The following PRKG1 variants were observed in gnomAD, a reference collection of about 807,000 sequenced individuals.
The protein encoded by PRKG1 is cGMP-dependent protein kinase 1.
In PRKG1, 35 loss-of-function variants were observed where a neutral mutation model predicts 88.1. The ratio of observed to expected loss-of-function variants is 0.40; its 90% confidence interval spans 0.30 to 0.53. PRKG1 has a LOEUF of 0.53. PRKG1 is among the 20% of genes least tolerant of loss of function. The pLI is 0.59. For missense variants in PRKG1, 540 were observed against 839.8 expected (o/e 0.64, Z 4.41); for synonymous variants, 303 against 292.5 (o/e 1.04, Z -0.37).
At chr10:51,574,152 G>A (rs576131810) in intron 3 of PRKG1, among the ~76,000 whole-genome samples, 1 of 152,002 alleles carries the variant, frequency 6.6e-6, no homozygotes, top group South Asian at 2.1e-4. Context: ...AATGACAAAT[G>A]CGTATTAAAT....
intron 8 of PRKG1, among the ~76,000 whole-genome samples, chr10:52,148,706 A>T (rs1837804396): frequency 1.3e-5 from 2 of 152,136 alleles, no homozygotes; most frequent in Non-Finnish European, 2.9e-5. Context: ...GCATGACTGC[A>T]ACCAGGGAAG....
rs114730980 is a variant in PRKG1, at chr10:52,165,617, C to T, written c.1076+3654C>T. ...TCTTCTTGATGTTTTGCAAAACCTACGGAAGATAAGATTAATATTTCTTAA... is the reference window on the plus strand; with the variant it reads ...TCTTCTTGATGTTTTGCAAAACCTATGGAAGATAAGATTAATATTTCTTAA... On this transcript the variant is annotated intron_variant, in intron 9 of 17. Coordinates refer to ENST00000373980, the MANE Select transcript of PRKG1 (RefSeq NM_006258.4). 4.9e-3 allele frequency among the ~76,000 whole-genome samples: 740 copies of T among 151,940 alleles called. 5 individuals are homozygous for T. Among genetic ancestry groups the T allele is most frequent in the African/African-American group, 0.016 (681 of 41,414 alleles).
intron 1 of PRKG1, among the ~76,000 whole-genome samples, chr10:51,067,166 C>CT (rs998823243): frequency 7.3e-5 from 11 of 149,772 alleles, no homozygotes; most frequent in South Asian, 2.1e-4. Context: ...AACACATTTG[C>CT]TTTTTTTTTC....
At chr10:52,056,123 C>T (rs1366448160) in intron 6 of PRKG1, among the ~76,000 whole-genome samples, 2 of 152,022 alleles carry the variant, frequency 1.3e-5, no homozygotes, top group Non-Finnish European at 2.9e-5. Context: ...TGTCTGACCA[C>T]GGTTACAGTT....
At chr10:51,599,181 A>T (rs1838533824) in intron 3 of PRKG1, among the ~76,000 whole-genome samples, 1 of 152,096 alleles carries the variant, frequency 6.6e-6, no homozygotes, top group Non-Finnish European at 1.5e-5. Flanking sequence ...GATGATTTGG[A>T]TTTGGTTACC....
At chr10:52,179,072 A>G (rs569660314) in intron 9 of PRKG1, among the ~76,000 whole-genome samples, 14 of 147,326 alleles carry the variant, frequency 9.5e-5, no homozygotes, top group Admixed American at 8.8e-4. Context: ...TGTTTTGTAT[A>G]TCCTTTGTTC....
intron 1 of PRKG1, among the ~76,000 whole-genome samples, chr10:51,014,213 T>A (rs1843027848): frequency 6.6e-6 from 1 of 152,224 alleles, no homozygotes; most frequent in Non-Finnish European, 1.5e-5. Context: ...AAATCTGCCA[T>A]GTTGCTTCCT....
chr10:51,116,615 C>G (rs1271567842), intron 1 of PRKG1, among the ~76,000 whole-genome samples: 1 of 152,136 alleles, frequency 6.6e-6, no homozygotes, highest in African/African-American at 2.4e-5. Context: ...GGAATTCTTA[C>G]AGGAATTGAA....
At chr10:52,123,632 T>C (rs1266540813) in intron 7 of PRKG1, among the ~76,000 whole-genome samples, 1 of 152,156 alleles carries the variant, frequency 6.6e-6, no homozygotes, top group Non-Finnish European at 1.5e-5. Context: ...TTCTGTAATA[T>C]ATGAATTCCT....
chr10:51,874,383 G>T (rs922073798), intron 4 of PRKG1, among the ~76,000 whole-genome samples: 1 of 152,190 alleles, frequency 6.6e-6, no homozygotes, highest in African/African-American at 2.4e-5. Context: ...ATACAAGAGA[G>T]CATGAAAGCC....
At chr10:52,263,578 ATT>A (rs60167378) in intron 10 of PRKG1, among the ~76,000 whole-genome samples, 35 of 140,314 alleles carry the variant, frequency 2.5e-4, no homozygotes, top group African/African-American at 4.2e-4. Context: ...AATCTCCAGG[ATT>A]TTTTTTTTTT....
chr10:51,923,378 C>G (rs1003918432), intron 5 of PRKG1, among the ~76,000 whole-genome samples: 2 of 151,098 alleles, frequency 1.3e-5, no homozygotes, highest in Non-Finnish European at 1.5e-5. Context: ...TTACACTGTT[C>G]AAATTTAAAG....
intron 7 of PRKG1, chr10:52,128,104 C>G (rs1044138377): frequency 2.0e-6 from 2 of 985,086 alleles, no homozygotes; most frequent in Admixed American, 6.2e-5. Flanking sequence ...TTGCTTTGTG[C>G]TGTGTGAACT....
At chr10:52,291,603 T>C (rs1842247447) in intron 17 of PRKG1, among the ~76,000 whole-genome samples, 1 of 152,130 alleles carries the variant, frequency 6.6e-6, no homozygotes, top group Non-Finnish European at 1.5e-5. Context: ...TATGGCTGCA[T>C]AGTATTCCAT....
At chr10:51,674,416 C>T (rs1840659481) in intron 3 of PRKG1, among the ~76,000 whole-genome samples, 1 of 152,004 alleles carries the variant, frequency 6.6e-6, no homozygotes, top group Non-Finnish European at 1.5e-5. Context: ...AGGTGTTTGG[C>T]ATAGGACTGG....
rs776411009 is a variant in PRKG1, at chr10:52,133,866, T to C, written c.962T>C (p.Ile321Thr). ...QGEDVRTANVIAAEAVTCLVI... is the reference protein window; with the variant it reads ...QGEDVRTANVTAAEAVTCLVI... ...GAAGATGTGAGAACAGCAAACGTAA[T>C]TGCTGCAGAAGCTGTAACCTGCCTT... Residue 321 changes from isoleucine to threonine, a missense_variant, in exon 8 of 18, where the codon ATT becomes ACT. Physicochemically the swap from Ile to Thr is moderately conservative, Grantham distance 89 (BLOSUM62 -1). Around this residue, in one of 5 missense-constraint regions of PRKG1, gnomAD observed 400 missense variants for 562.7 expected, o/e 0.71. Transcript: ENST00000373980. The C allele has an allele frequency of 6.2e-7, 1 of 1,613,268 alleles. No individual in the cohort carries two copies. Among genetic ancestry groups the C allele is most frequent in the East Asian group, 2.2e-5 (1 of 44,792 alleles).
chr10:51,532,583 G>T (rs116340607), intron 3 of PRKG1, among the ~76,000 whole-genome samples: 171 of 152,264 alleles, frequency 1.1e-3, no homozygotes, highest in African/African-American at 3.8e-3. Flanking sequence ...GGAAAAGCTA[G>T]TGCTAATTAA....
chr10:51,881,766 A>G (rs1841443916), intron 4 of PRKG1, among the ~76,000 whole-genome samples: 1 of 152,180 alleles, frequency 6.6e-6, no homozygotes, highest in Non-Finnish European at 1.5e-5. Flanking sequence ...TGGACTTGAG[A>G]TTTTTATTAT....
chr10:51,287,439 C>T (rs1452163145), intron 2 of PRKG1, among the ~76,000 whole-genome samples: 1 of 152,172 alleles, frequency 6.6e-6, no homozygotes, highest in Non-Finnish European at 1.5e-5. Context: ...TAAGTGTCCA[C>T]TGCTTCAACT....
Sources: allele counts gnomAD v4.1 joint callset (sites outside exome capture counted in the v4.1 genomes callset), GRCh38; gene constraint gnomAD v4.1.1; regional missense constraint gnomAD v4.1.1; transcripts MANE v1.5; gene names NCBI Gene and HGNC (gene_info 2026-07-23, HGNC 2026-07-21).